The following DNTTIP2 variants were observed in gnomAD, a reference collection of about 807,000 sequenced individuals.
DNTTIP2 encodes deoxynucleotidyltransferase terminal interacting protein 2.
DNTTIP2 carries 47 observed loss-of-function variants against 62.4 expected under a neutral mutation model. The observed-to-expected ratio is 0.75, with a 90% CI of 0.60 to 0.96. DNTTIP2 has a LOEUF of 0.96. Ranked by LOEUF, DNTTIP2 falls within the 40% of genes least tolerant of loss-of-function variation. DNTTIP2 has a pLI of 0.00. For synonymous variants in DNTTIP2, 322 were observed against 300.9 expected (o/e 1.07, Z -0.73); for missense variants, 870 against 849.1 (o/e 1.02, Z -0.31).
chr1:93,877,476 A>G lies in DNTTIP2; in HGVS notation c.459T>C (p.Ile153=). The G allele has an allele frequency of 6.2e-7, 1 of 1,613,906 alleles. No homozygotes were observed. The highest frequency in any genetic ancestry group is 8.5e-7 in the Non-Finnish European group (1 of 1,179,872). ...CTGTAGTTTTTTCTGTAGGAAGCAC[A>G]ATTCTAGAAATACCTGAAACATGAG... ...AESHVSGISR[I]VLPTEKTTGA... The change falls in exon 2 of 7, where the codon ATT becomes ATC. Residue 153 remains isoleucine (I), a synonymous_variant. Transcript: ENST00000436063.
In DNTTIP2 at chr1:93,869,880, A is replaced by C. The variant is rs200316352; in HGVS notation, c.2242T>G (p.Phe748Val). Residue 748 changes from phenylalanine (F) to valine (V), a missense_variant, in exon 7 of 7, where the codon TTC becomes GTC. Physicochemically the swap from Phe to Val is conservative, Grantham distance 50. Transcript: ENST00000436063. Reference protein sequence around the residue: ...EKAANAAGKKFRKKKKFRN With the variant: ...EKAANAAGKKVRKKKKFRN ...TTGCGAAATTTCTTCTTCTTTCGGAACTTTTTTCCTGCTGCATTTGCTGCT... is the reference window on the plus strand; with the variant it reads ...TTGCGAAATTTCTTCTTCTTTCGGACCTTTTTTCCTGCTGCATTTGCTGCT... The C allele has an allele frequency of 3.5e-4, 274 of 780,294 alleles. 2 individuals are homozygous for C. The African/African-American group carries it at 4.4e-3, about 12-fold the overall frequency. The allele number at this position is 780,294 out of a possible 1,614,324, so 48.3% of individuals were successfully genotyped here.
At position 93,877,211 on chromosome 1, in the gene DNTTIP2, T is replaced by C. The variant is rs773543264; in HGVS notation, c.724A>G (p.Arg242Gly). The C allele has an allele frequency of 6.2e-7, 1 of 1,613,914 alleles. No homozygotes were observed. The highest frequency in any genetic ancestry group is 1.1e-5 in the South Asian group (1 of 91,080). The change falls in exon 2 of 7, where the codon AGA becomes GGA. Residue 242 changes from arginine (R) to glycine (G), a missense_variant. By Grantham distance (125) the Arg-to-Gly change is moderately radical. Transcript: ENST00000436063. The stretch of plus-strand genomic sequence containing the variant: ...CTTGCTTGTAAATGGGAAGTTTGTC[T>C]GGTATCTGAATCCTCTGAATTCACA... ...TPVNSEDSDT[R>G]QTSHLQARSL... is the part of the protein sequence containing the mutation.
chr1:93,877,929 C>T (rs753084858), intron 1 of DNTTIP2, 67 bp from the exon 2 acceptor site: 17 of 1,498,304 alleles, frequency 1.1e-5, no homozygotes, highest in Non-Finnish European at 1.5e-5. Context: ...AAATGAAATA[C>T]TGACCCCAAA....
intron 4 of DNTTIP2, among the ~76,000 whole-genome samples, 162 bp downstream of exon 4, chr1:93,872,957 T>G (rs1655909106): frequency 6.6e-6 from 1 of 152,082 alleles, no homozygotes; most frequent in Non-Finnish European, 1.5e-5. Flanking sequence ...ATACATAATG[T>G]GTTTATGGTA....
At chr1:93,873,689 T>C (rs752893097) in intron 3 of DNTTIP2, among the ~76,000 whole-genome samples, 3 of 138,380 alleles carry the variant, frequency 2.2e-5, no homozygotes, top group Non-Finnish European at 4.8e-5. Context: ...CCCAACTCTT[T>C]AGGAGGCCAA....
intron 6 of DNTTIP2, among the ~76,000 whole-genome samples, chr1:93,870,315 C>T (rs974883684): frequency 2.6e-5 from 4 of 152,096 alleles, no homozygotes; most frequent in South Asian, 2.1e-4. Flanking sequence ...TTCTTAGAAG[C>T]GACCAATGGT....
chr1:93,872,007 G>A (rs1323019351), intron 5 of DNTTIP2, 65 bp downstream of exon 5: 39 of 1,555,902 alleles, frequency 2.5e-5, no homozygotes, highest in South Asian at 9.2e-5. Flanking sequence ...AAACTTTAAA[G>A]AACACTACAG....
chr1:93,877,004 T>C lies in DNTTIP2; in HGVS notation c.931A>G (p.Lys311Glu), dbSNP rs1656028182. 3 of 1,612,940 alleles carry C rather than the reference T, an allele frequency of 1.9e-6. No homozygotes were observed. Among genetic ancestry groups the C allele is most frequent in the Admixed American group, 1.7e-5 (1 of 59,992 alleles). Reference sequence around the variant, plus strand: ...TGAGAACTTTTCTCATTAATTTCTTTCCCCTCATCTGTTATTCCATTGGCA... The same window carrying C: ...TGAGAACTTTTCTCATTAATTTCTTCCCCCTCATCTGTTATTCCATTGGCA... ...EDANGITDEGKEINEKSSQLK... is the reference protein window; with the variant it reads ...EDANGITDEGEEINEKSSQLK... Residue 311 changes from lysine to glutamate, a missense_variant, in exon 2 of 7, where the codon AAA (lysine) becomes GAA (glutamate). Physicochemically the swap from Lys to Glu is moderately conservative, Grantham distance 56 (BLOSUM62 1). Coordinates refer to ENST00000436063, the MANE Select transcript of DNTTIP2 (RefSeq NM_014597.5).
chr1:93,877,350 G>A lies in DNTTIP2; in HGVS notation c.585C>T (p.Phe195=), dbSNP rs770327034. ...TGGTTCTTCTAGTTGCAATTCCAGA[G>A]AATGAAATGTCTGAGCTTGATGTCT... The part of the protein sequence containing the change: ...DAETSSSDIS[F]SGIATRRTRS... The change falls in exon 2 of 7, where the codon TTC becomes TTT. Residue 195 remains phenylalanine (F), a synonymous_variant. Transcript: ENST00000436063. 3.1e-6 allele frequency: 5 copies of A among 1,613,690 alleles called. No homozygotes were observed. Among genetic ancestry groups the A allele is most frequent in the Non-Finnish European group, 1.7e-6 (2 of 1,179,866 alleles).
At position 93,876,597 on chromosome 1, in the gene DNTTIP2, G is replaced by C. The variant is rs1394572539; in HGVS notation, c.1338C>G (p.Ser446Arg). ...TTTCAGACTGTTGGCTTTCATCACT[G>C]CTGAGAACTAGTAAGACAGAATTAT... ...GKDNSVLLVL[S>R]SDESQQSENS... The change falls in exon 2 of 7, where the codon AGC (serine) becomes AGG (arginine). Residue 446 changes from serine (S) to arginine (R), a missense_variant. By Grantham distance (110) the Ser-to-Arg change is moderately radical (BLOSUM62 -1). Transcript: ENST00000436063. 5.0e-6 allele frequency: 8 copies of C among 1,613,844 alleles called. No individual in the cohort carries two copies. The highest frequency in any genetic ancestry group is 6.8e-6 in the Non-Finnish European group (8 of 1,179,886).
chr1:93,870,780 C>G lies in DNTTIP2; in HGVS notation c.2080G>C (p.Val694Leu), dbSNP rs746403337. The G allele has an allele frequency of 1.7e-5, 27 of 1,549,622 alleles. No homozygotes were observed. The South Asian group carries it at 2.7e-4, about 15-fold the overall frequency. The change falls in exon 6 of 7, where the codon GTT becomes CTT. Residue 694 changes from valine (V) to leucine (L), a missense_variant. Val to Leu is a conservative substitution (Grantham distance 32). Transcript: ENST00000436063. The stretch of plus-strand genomic sequence containing the variant: ...TGGTAGAAATCAGCTGGATTGTCAA[C>G]AATGGTTCCAATCTGTGAACAATTG... ...FPKYFQIGTIVDNPADFYHSR... is the reference protein window; with the variant it reads ...FPKYFQIGTILDNPADFYHSR...
rs750132481 is a variant in DNTTIP2 at position 93,877,288 on chromosome 1, T to C, written c.647A>G (p.Lys216Arg). 33 of 1,613,710 alleles carry C rather than the reference T, an allele frequency of 2.0e-5. No individual in the cohort carries two copies. Among genetic ancestry groups the C allele is most frequent in the Non-Finnish European group, 2.7e-5 (32 of 1,179,770 alleles). Residue 216 changes from lysine (K) to arginine (R), a missense_variant, in exon 2 of 7, where the codon AAG becomes AGG. Physicochemically the swap from Lys to Arg is conservative, Grantham distance 26 (BLOSUM62 2). Transcript: ENST00000436063. Reference protein sequence around the residue: ...MQRKLKAQTEKKDSKIVPGNE... With the variant: ...MQRKLKAQTERKDSKIVPGNE... ...TCCTGGTACAATCTTACTATCTTTCTTTTCAGTTTGTGCCTTTAATTTCCT... is the reference window on the plus strand; with the variant it reads ...TCCTGGTACAATCTTACTATCTTTCCTTTCAGTTTGTGCCTTTAATTTCCT...
At position 93,877,456 on chromosome 1, in the gene DNTTIP2, G is replaced by T; in HGVS notation, c.479C>A (p.Thr160Asn). 1.2e-6 allele frequency: 2 copies of T among 1,613,830 alleles called. No individual in the cohort carries two copies. Among genetic ancestry groups the T allele is most frequent in the Non-Finnish European group, 1.7e-6 (2 of 1,179,866 alleles). The change falls in exon 2 of 7, where the codon ACT becomes AAT. Residue 160 changes from threonine to asparagine, a missense_variant. By Grantham distance (65) the Thr-to-Asn change is moderately conservative. Coordinates refer to ENST00000436063, the MANE Select transcript of DNTTIP2 (RefSeq NM_014597.5). ...ISRIVLPTEK[T>N]TGARRSKAKS... ...AGCCTTACTTCTTCTGGCTCCTGTA[G>T]TTTTTTCTGTAGGAAGCACAATTCT... is the stretch of plus-strand genomic sequence containing the variant.
chr1:93,878,864 C>T, intron 1 of DNTTIP2: 1 of 592,008 alleles, frequency 1.7e-6, no homozygotes, highest in Non-Finnish European at 2.9e-6. Flanking sequence ...TCTAACCTCT[C>T]TTCCATACTA....
At position 93,868,415 on chromosome 1, in the gene DNTTIP2, C is replaced by T. The variant is rs574434423; in HGVS notation, c.*1436G>A. 1 of 152,252 alleles carries T rather than the reference C, an allele frequency of 6.6e-6. No individual in the cohort carries two copies. The highest frequency in any genetic ancestry group is 2.1e-4 in the South Asian group (1 of 4,822). The allele number at this position is 152,252 out of a possible 1,614,324, so 9.4% of individuals were successfully genotyped here. A position where few individuals can be genotyped will look rare whatever the true frequency, so the allele number is the denominator to read the frequency against. On this transcript the variant is annotated 3_prime_UTR_variant, in exon 7 of 7. Coordinates refer to ENST00000436063, the MANE Select transcript of DNTTIP2 (RefSeq NM_014597.5). ...CTGTTGGTGGGAGTGTAAACTAGTTCAACCATTGTGGAAGACAGTGTGGTG... is the reference window on the plus strand; with the variant it reads ...CTGTTGGTGGGAGTGTAAACTAGTTTAACCATTGTGGAAGACAGTGTGGTG...
chr1:93,871,597 G>C (rs145455356), intron 5 of DNTTIP2, among the ~76,000 whole-genome samples: 237 of 152,262 alleles, frequency 1.6e-3, no homozygotes, highest in African/African-American at 5.3e-3. Flanking sequence ...ATGAAAGGCA[G>C]GTGAACTAGT....
At position 93,868,548 on chromosome 1, in the gene DNTTIP2, G is replaced by A. The variant is rs578101235; in HGVS notation, c.*1303C>T. On this transcript the variant is annotated 3_prime_UTR_variant, in exon 7 of 7. Transcript: ENST00000436063. Reference sequence around the variant, plus strand: ...TTCTACTATAAAGACACATACACAAGTATGTTTACTGTGGCACTGTTCACA... The same window carrying A: ...TTCTACTATAAAGACACATACACAAATATGTTTACTGTGGCACTGTTCACA... 3.3e-4 allele frequency: 51 copies of A among 152,258 alleles called. 1 individual carries two copies. Among genetic ancestry groups the A allele is most frequent in the Admixed American group, 1.4e-3 (21 of 15,290 alleles). The allele number at this position is 152,258 out of a possible 1,614,324, so 9.4% of individuals were successfully genotyped here. A position where few individuals can be genotyped will look rare whatever the true frequency, so the allele number is the denominator to read the frequency against.
At position 93,876,713 on chromosome 1, in the gene DNTTIP2, C is replaced by A. The variant is rs1373434446; in HGVS notation, c.1222G>T (p.Val408Phe). The A allele has an allele frequency of 6.2e-7, 1 of 1,613,872 alleles. No homozygotes were observed. Among genetic ancestry groups the A allele is most frequent in the East Asian group, 2.2e-5 (1 of 44,886 alleles). ...CCTTCACTGTTCATGTCTTCACTGA[C>A]ACTTATAACTGTGGACTCTTCTTCA... ...DDEEESTVIS[V>F]SEDMNSEGNV... The change falls in exon 2 of 7, where the codon GTC becomes TTC. Residue 408 changes from valine (V) to phenylalanine (F), a missense_variant. Physicochemically the swap from Val to Phe is conservative, Grantham distance 50 (BLOSUM62 -1). Coordinates refer to ENST00000436063, the MANE Select transcript of DNTTIP2 (RefSeq NM_014597.5).
intron 3 of DNTTIP2, among the ~76,000 whole-genome samples, chr1:93,875,319 G>A (rs942001672): frequency 6.6e-6 from 1 of 152,176 alleles, no homozygotes; most frequent in Non-Finnish European, 1.5e-5. Context: ...GGCATTCACA[G>A]CTTTCAGATT....
Sources: gnomAD v4.1 joint callset for allele counts (sites outside exome capture counted in the v4.1 genomes callset) on GRCh38, gnomAD v4.1.1 for gene constraint, MANE v1.5 for transcripts, NCBI Gene and HGNC (gene_info 2026-07-23, HGNC 2026-07-21) for gene names.